Variants in EMILIN2 observed in about 807,000 individuals in gnomAD.
EMILIN2 encodes elastin microfibril interfacer 2, also known as EMILIN-2.
EMILIN2 carries 71 observed loss-of-function variants against 87.1 expected under a neutral mutation model. The ratio of observed to expected loss-of-function variants is 0.82; its 90% CI spans 0.67 to 0.99. The LOEUF (loss-of-function observed/expected upper bound fraction) is 0.99. Among genes scored for constraint, EMILIN2 ranks in the 50% least tolerant of loss-of-function variants. The probability of loss-of-function intolerance (pLI) is 0.00; values close to 1 mark genes in which losing one functional copy is unlikely to be tolerated. For missense variants in EMILIN2, 1,407 were observed against 1,371.8 expected, an observed-to-expected ratio of 1.03 and a Z score of -0.40; for synonymous variants, 581 against 563.4, an observed-to-expected ratio of 1.03 and a Z score of -0.44.
At position 2,892,223 on chromosome 18, in the gene EMILIN2, T is replaced by C. The variant is rs1231169431; in HGVS notation, c.2096T>C (p.Val699Ala). 2.5e-6 allele frequency: 4 copies of C among 1,608,286 alleles called. No homozygotes were observed. The highest frequency in any genetic ancestry group is 1.1e-5 in the South Asian group (1 of 90,802). ...TGCACGCAGGGGGTCCAGAGGGAGG[T>C]CTCCATGGTGGAGGGCAGGGTGTCT... is the stretch of plus-strand genomic sequence containing the variant. ...KECTQGVQRE[V>A]SMVEGRVSHM... is the part of the protein sequence containing the mutation. Residue 699 changes from valine to alanine, a missense_variant, in exon 4 of 8, where the codon GTC becomes GCC. Physicochemically the swap from Val to Ala is moderately conservative, Grantham distance 64 (BLOSUM62 0). Coordinates refer to ENST00000254528, the MANE Select transcript of EMILIN2 (RefSeq NM_032048.3).
intron 6 of EMILIN2, 115 bp downstream of exon 6, chr18:2,909,090 C>T (rs1598507149): frequency 1.5e-6 from 2 of 1,296,706 alleles, no homozygotes; most frequent in Admixed American, 1.7e-5. Context: ...AAGCCTGGGC[C>T]CAGCCCTTCC....
chr18:2,884,681 T>TG (rs1287318548), intron 2 of EMILIN2, among the ~76,000 whole-genome samples: 1 of 152,192 alleles, frequency 6.6e-6, no homozygotes, highest in Non-Finnish European at 1.5e-5. Context: ...CCTTCTCAAA[T>TG]GGGAGTCTTG....
rs77116991 is a variant in EMILIN2, at chr18:2,901,823, G to A, written c.2360-4960G>A. On this transcript the variant is annotated intron_variant, in intron 4 of 7. Transcript: ENST00000254528. ...TAAATGTGTGCGTTCGGCACCCCAC[G>A]TGATGCTGTGGACTAAGCCAGAGCT... Among the ~76,000 whole-genome samples, 887 of 152,320 alleles carry A rather than the reference G, an allele frequency of 5.8e-3. 8 individuals carry two copies. Among genetic ancestry groups the A allele is most frequent in the African/African-American group, 0.02 (823 of 41,560 alleles).
chr18:2,878,262 G>A (rs147312203), intron 2 of EMILIN2, among the ~76,000 whole-genome samples: 346 of 152,290 alleles, frequency 2.3e-3, no homozygotes, highest in African/African-American at 7.6e-3. Context: ...GGCGGAGGCC[G>A]GCAGACCACC....
intron 4 of EMILIN2, among the ~76,000 whole-genome samples, chr18:2,901,582 G>A (rs897093112): frequency 6.6e-6 from 1 of 152,232 alleles, no homozygotes; most frequent in African/African-American, 2.4e-5. Context: ...CGTGCGGAGT[G>A]TCAGGCAGGC....
At chr18:2,857,506 A>G (rs2076633837) in intron 2 of EMILIN2, among the ~76,000 whole-genome samples, 2 of 152,278 alleles carry the variant, frequency 1.3e-5, no homozygotes, top group East Asian at 1.9e-4. Flanking sequence ...AGTGGTGACA[A>G]TGCTGCTTGT....
At chr18:2,902,192 A>G (rs982128489) in intron 4 of EMILIN2, among the ~76,000 whole-genome samples, 1 of 152,234 alleles carries the variant, frequency 6.6e-6, no homozygotes, top group African/African-American at 2.4e-5. Flanking sequence ...AGGGTTCCCA[A>G]CTTAATGGCT....
intron 2 of EMILIN2, among the ~76,000 whole-genome samples, chr18:2,851,090 GAAAA>G (rs113621895): frequency 1.5e-5 from 2 of 130,458 alleles, no homozygotes; most frequent in Non-Finnish European, 1.7e-5. Flanking sequence ...GGCTCTGATG[GAAAA>G]AAAAAAAAAA....
Position 2,906,835 on chromosome 18 carries a change from C to T in EMILIN2, c.2412C>T (p.Pro804=), listed in dbSNP as rs2076915441. ...AGGCCCCGAAGGAGCCGCTGCAGCCCGAGCCCGCCCCGCCGAGGCCCAGCG... is the reference window on the plus strand; with the variant it reads ...AGGCCCCGAAGGAGCCGCTGCAGCCTGAGCCCGCCCCGCCGAGGCCCAGCG... ...PAEAPKEPLQ[P]EPAPPRPSGP... The change falls in exon 5 of 8, where the codon CCC becomes CCT. Residue 804 remains proline, a synonymous_variant. Transcript: ENST00000254528. 1.5e-5 allele frequency: 20 copies of T among 1,339,374 alleles called. No individual in the cohort carries two copies. Among genetic ancestry groups the T allele is most frequent in the Non-Finnish European group, 1.9e-5 (20 of 1,047,246 alleles). The allele number at this position is 1,339,374 out of a possible 1,614,324, so 83.0% of individuals were successfully genotyped here.
intron 7 of EMILIN2, among the ~76,000 whole-genome samples, chr18:2,911,155 C>CTTGAGAGA (rs1168120194): frequency 6.6e-6 from 1 of 152,240 alleles, no homozygotes; most frequent in Non-Finnish European, 1.5e-5. Context: ...AAGTGGGCGA[C>CTTGAGAGA]TTGAGAGATT....
rs565545951 is a variant in EMILIN2 at position 2,888,572 on chromosome 18, G to A, written c.434-1989G>A. The stretch of plus-strand genomic sequence containing the variant: ...CTACCAAAAATACAAAAAATTAGCC[G>A]GGCATGGTGGTGGGCACCTGTAGTC... On this transcript the variant is annotated intron_variant, in intron 3 of 7. Coordinates refer to ENST00000254528, the MANE Select transcript of EMILIN2 (RefSeq NM_032048.3). Among the ~76,000 whole-genome samples the A allele has an allele frequency of 3.0e-4, 45 of 151,924 alleles. No homozygotes were observed. In the South Asian group the frequency reaches 5.0e-3, roughly 17 times the overall value.
At chr18:2,906,638 G>A (rs2076913794) in intron 4 of EMILIN2, 145 bp from the exon 5 acceptor site, 1 of 625,328 alleles carries the variant, frequency 1.6e-6, no homozygotes, top group Non-Finnish European at 2.3e-6. Context: ...ACGCCCGTGT[G>A]TCCCGCTGGC....
Position 2,909,767 on chromosome 18 carries a change from C to T in EMILIN2, c.2772C>T (p.Val924=), listed in dbSNP as rs375096843. The T allele has an allele frequency of 6.2e-6, 10 of 1,612,750 alleles. No homozygotes were observed. The highest frequency in any genetic ancestry group is 1.1e-5 in the South Asian group (1 of 90,850). ...CTTTCCCCAGTGATGGGGGCGTTGT[C>T]CTCTTTAACAAAGTGCTGGTGAACG... ...QKPFPSDGGV[V]LFNKVLVNDG... The change falls in exon 7 of 8, where the codon GTC becomes GTT. Residue 924 remains valine, a synonymous_variant. Transcript: ENST00000254528.
chr18:2,872,014 G>A (rs1352349781), intron 2 of EMILIN2, among the ~76,000 whole-genome samples: 1 of 152,184 alleles, frequency 6.6e-6, no homozygotes, highest in Non-Finnish European at 1.5e-5. Flanking sequence ...ATTAGAGCAG[G>A]GTTGGGTCTT....
chr18:2,858,601 A>ATATG lies in EMILIN2; in HGVS notation c.257+10671_257+10672insATGT, dbSNP rs745894577. Among the ~76,000 whole-genome samples the ATATG allele has an allele frequency of 1.7e-4, 18 of 103,606 alleles. 1 individual carries two copies. The highest frequency in any genetic ancestry group is 4.6e-4 in the East Asian group (2 of 4,352). 68.0% of individuals were successfully genotyped at this position (103,606 alleles called of 152,430 possible). A position where few individuals can be genotyped will look rare whatever the true frequency, so the allele number is the denominator to read the frequency against. ...TGTGTGTGTATATATATATATATAT[A>ATATG]TGTGTATATATATATATGTTCCACA... On this transcript the variant is annotated intron_variant, in intron 2 of 7. Coordinates refer to ENST00000254528, the MANE Select transcript of EMILIN2 (RefSeq NM_032048.3).
intron 4 of EMILIN2, among the ~76,000 whole-genome samples, chr18:2,897,864 T>TA (rs35471855): frequency 0.08 from 11,132 of 139,056 alleles, 838 homozygotes; most frequent in East Asian, 0.45. Flanking sequence ...CCTGTCTCTT[T>TA]AAAAAAAAAA....
At chr18:2,868,782 C>T (rs1487832514) in intron 2 of EMILIN2, among the ~76,000 whole-genome samples, 1 of 151,404 alleles carries the variant, frequency 6.6e-6, no homozygotes, top group African/African-American at 2.4e-5. Flanking sequence ...AGACGGAGAC[C>T]GTGGAAAGAG....
intron 4 of EMILIN2, chr18:2,906,558 GCC>G (rs1180028555): frequency 8.2e-6 from 3 of 365,122 alleles, no homozygotes; most frequent in Non-Finnish European, 1.5e-5. Flanking sequence ...GGCTGGAAAC[GCC>G]CCGGCCCCGG....
Position 2,906,804 on chromosome 18 carries a change from C to T in EMILIN2, c.2381C>T (p.Pro794Leu). ...PSAKAPSPPP[P>L]AEAPKEPLQP... is the part of the protein sequence containing the mutation. ...GCAGAGGCGCCCTCGCCCCCGCCGC[C>T]CGCAGAGGCCCCGAAGGAGCCGCTG... is the stretch of plus-strand genomic sequence containing the variant. Residue 794 changes from proline (P) to leucine (L), a missense_variant, in exon 5 of 8, where the codon CCC becomes CTC. Transcript: ENST00000254528. The T allele has an allele frequency of 7.7e-7, 1 of 1,298,230 alleles. No homozygotes were observed. The highest frequency in any genetic ancestry group is 1.5e-5 in the African/African-American group (1 of 64,638). 80.4% of individuals were successfully genotyped at this position (1,298,230 alleles called of 1,614,324 possible).
Sources: gnomAD v4.1 joint callset for allele counts (sites outside exome capture counted in the v4.1 genomes callset) on GRCh38, gnomAD v4.1.1 for gene constraint, MANE v1.5 for transcripts, NCBI Gene and HGNC (gene_info 2026-07-23, HGNC 2026-07-21) for gene names.